The following PNPLA3 variants were observed in gnomAD, a reference collection of about 807,000 sequenced individuals.
PNPLA3 encodes 1-acylglycerol-3-phosphate O-acyltransferase PNPLA3.
A neutral mutation model predicts 43.1 loss-of-function variants in PNPLA3; 42 were observed. That is an observed-to-expected ratio of 0.97 (90% confidence interval 0.76 to 1.26). The LOEUF (loss-of-function observed/expected upper bound fraction) is 1.26, where lower values mean the gene tolerates loss of function less well. PNPLA3 is among the 50% of genes most tolerant of loss of function. The pLI, the probability that PNPLA3 is intolerant of heterozygous loss-of-function variation, is 0.00. For synonymous variants in PNPLA3, 272 were observed against 253.6 expected, an observed-to-expected ratio of 1.07 and a Z score of -0.69; for missense variants, 647 against 621.4, an observed-to-expected ratio of 1.04 and a Z score of -0.44.
chr22:43,946,086 C>T, intron 8 of PNPLA3, 68 bp from the exon 9 acceptor site: 1 of 1,465,090 alleles, frequency 6.8e-7, no homozygotes, highest in Non-Finnish European at 9.5e-7. Flanking sequence ...TGTGGGTCCA[C>T]CGTAGCTCAG....
rs1555885635 is a variant in PNPLA3, at chr22:43,932,925, C to T, written c.534C>T (p.Ala178=). ...GTGACAACGTACCCTTCATTGATGC[C>T]AAAACAACCATCACCGTGTCCCCCT... ...GVSDNVPFID[A]KTTITVSPFY... The change falls in exon 4 of 9, where the codon GCC becomes GCT. Residue 178 remains alanine, a synonymous_variant. Coordinates refer to ENST00000216180, the MANE Select transcript of PNPLA3 (RefSeq NM_025225.3). 5 of 1,614,064 alleles carry T rather than the reference C, an allele frequency of 3.1e-6. No homozygotes were observed. The highest frequency in any genetic ancestry group is 4.5e-5 in the East Asian group (2 of 44,882).
chr22:43,946,357 G>C lies in PNPLA3; in HGVS notation c.1421G>C (p.Ser474Thr). The change falls in exon 9 of 9, where the codon AGT becomes ACT. Residue 474 changes from serine (S) to threonine (T), a missense_variant. By Grantham distance (58) the Ser-to-Thr change is moderately conservative (BLOSUM62 1). Transcript: ENST00000216180. ...AGAEGLSTFP[S>T]FSLEKSL ...GCTGAGGGGCTCTCCACCTTTCCCA[G>C]TTTTTCACTAGAGAAGAGTCTGTGA... 1.2e-6 allele frequency: 2 copies of C among 1,614,174 alleles called. No homozygotes were observed. The highest frequency in any genetic ancestry group is 1.7e-6 in the Non-Finnish European group (2 of 1,180,032).
chr22:43,935,128 A>T (rs2049986824), intron 5 of PNPLA3, among the ~76,000 whole-genome samples: 1 of 152,182 alleles, frequency 6.6e-6, no homozygotes, highest in African/African-American at 2.4e-5. Context: ...TTCCCAGAGC[A>T]CATTTCTGCC....
rs374597227 is a variant in PNPLA3, at chr22:43,927,026, C to T, written c.279C>T (p.Phe93=). 16 of 1,614,118 alleles carry T rather than the reference C, an allele frequency of 9.9e-6. No individual in the cohort carries two copies. Among genetic ancestry groups the T allele is most frequent in the African/African-American group, 1.3e-5 (1 of 74,944 alleles). The change falls in exon 2 of 9, where the codon TTC becomes TTT. Residue 93 remains phenylalanine, a synonymous_variant. Transcript: ENST00000216180. ...IFHPSFNLSK[F]LRQGLCKCLP... ...ATCCATCCTTCAACTTAAGCAAGTT[C>T]CTCCGACAGGGTCTCTGCAAATGCC...
At chr22:43,937,469 C>T (rs2050003491) in intron 6 of PNPLA3, among the ~76,000 whole-genome samples, 197 bp downstream of exon 6, 1 of 152,206 alleles carries the variant, frequency 6.6e-6, no homozygotes, top group South Asian at 2.1e-4. Flanking sequence ...AATCCTGGAA[C>T]CTTGCCAAGT....
chr22:43,933,757 A>C (rs1209881967), intron 4 of PNPLA3, among the ~76,000 whole-genome samples: 1 of 152,204 alleles, frequency 6.6e-6, no homozygotes, highest in Non-Finnish European at 1.5e-5. Flanking sequence ...TGGTTTTAGT[A>C]TGCCTTACCA....
In PNPLA3 at chr22:43,932,946, C is replaced by T. The variant is rs776753373; in HGVS notation, c.555C>T (p.Ser185=). Residue 185 remains serine (S), a synonymous_variant, in exon 4 of 9, where the codon TCC becomes TCT. Coordinates refer to ENST00000216180, the MANE Select transcript of PNPLA3 (RefSeq NM_025225.3). ...ATGCCAAAACAACCATCACCGTGTC[C>T]CCCTTCTATGGGGAGTACGACATCT... ...FIDAKTTITV[S]PFYGEYDICP... is the part of the protein sequence containing the mutation. The T allele has an allele frequency of 6.2e-6, 10 of 1,614,074 alleles. No individual in the cohort carries two copies. Among genetic ancestry groups the T allele is most frequent in the African/African-American group, 4.0e-5 (3 of 74,924 alleles).
At chr22:43,926,730 C>A (rs937332371) in intron 1 of PNPLA3, among the ~76,000 whole-genome samples, 32 of 152,196 alleles carry the variant, frequency 2.1e-4, no homozygotes, top group African/African-American at 7.7e-4. Context: ...CATACTAAGC[C>A]ACTGAAATCC....
chr22:43,928,028 G>T (rs184886189), intron 2 of PNPLA3, among the ~76,000 whole-genome samples: 1 of 152,198 alleles, frequency 6.6e-6, no homozygotes, highest in Admixed American at 6.5e-5. Flanking sequence ...GGGTGGGAAC[G>T]TGCCTTATTT....
rs148866299 is a variant in PNPLA3, at chr22:43,932,948, C to A, written c.557C>A (p.Pro186His). ...GCCAAAACAACCATCACCGTGTCCC[C>A]CTTCTATGGGGAGTACGACATCTGC... is the stretch of plus-strand genomic sequence containing the variant. ...IDAKTTITVS[P>H]FYGEYDICPK... The change falls in exon 4 of 9, where the codon CCC becomes CAC. Residue 186 changes from proline (P) to histidine (H), a missense_variant. Coordinates refer to ENST00000216180, the MANE Select transcript of PNPLA3 (RefSeq NM_025225.3). 1,179 of 1,614,204 alleles carry A rather than the reference C, an allele frequency of 7.3e-4. No homozygotes were observed. The highest frequency in any genetic ancestry group is 8.8e-4 in the Non-Finnish European group (1,041 of 1,180,030).
At chr22:43,933,246 G>T (rs181323805) in intron 4 of PNPLA3, among the ~76,000 whole-genome samples, 159 bp downstream of exon 4, 21 of 152,282 alleles carry the variant, frequency 1.4e-4, no homozygotes, top group African/African-American at 3.9e-4. Context: ...AAGCTCAGGT[G>T]AGGCACCACC....
At chr22:43,926,788 C>T (rs751549886) in intron 1 of PNPLA3, 147 bp from the exon 2 acceptor site, 233 of 642,882 alleles carry the variant, frequency 3.6e-4, no homozygotes, top group Non-Finnish European at 5.5e-4. Context: ...ATTTCAAGGG[C>T]GTGATAGCCA....
In PNPLA3 at chr22:43,937,204, A is replaced by T; in HGVS notation, c.911A>T (p.His304Leu). 1 of 1,614,048 alleles carries T rather than the reference A, an allele frequency of 6.2e-7. No individual in the cohort carries two copies. Among genetic ancestry groups the T allele is most frequent in the Non-Finnish European group, 8.5e-7 (1 of 1,179,992 alleles). Residue 304 changes from histidine (H) to leucine (L), a missense_variant, in exon 6 of 9, where the codon CAC becomes CTC. Transcript: ENST00000216180. ...VRLEGDELLD[H>L]LRLSILPWDE... The stretch of plus-strand genomic sequence containing the variant: ...CTGGAGGGAGATGAGCTGCTAGACC[A>T]CCTGCGTCTCAGCATCCTGCCCTGG...
intron 3 of PNPLA3, among the ~76,000 whole-genome samples, chr22:43,931,246 A>C (rs945170598): frequency 3.9e-5 from 6 of 152,232 alleles, no homozygotes; most frequent in African/African-American, 1.4e-4. Flanking sequence ...TCTTCCTGAC[A>C]ATTAGAACCC....
chr22:43,932,071 G>A (rs369941760), intron 3 of PNPLA3, among the ~76,000 whole-genome samples: 61 of 152,148 alleles, frequency 4.0e-4, no homozygotes, highest in African/African-American at 1.4e-3. Flanking sequence ...TTCTCTGTGG[G>A]TATCTGATGG....
intron 1 of PNPLA3, among the ~76,000 whole-genome samples, chr22:43,924,953 C>T (rs367724101): frequency 9.9e-5 from 15 of 152,226 alleles, no homozygotes; most frequent in East Asian, 5.8e-4. Flanking sequence ...CTGCTGCCTA[C>T]GCTCTCTGGG....
intron 3 of PNPLA3, among the ~76,000 whole-genome samples, chr22:43,929,599 C>CTTTTTT: frequency 7.8e-6 from 1 of 128,756 alleles, no homozygotes; most frequent in Non-Finnish European, 1.6e-5. Flanking sequence ...TTTTTCTTTT[C>CTTTTTT]TTTTTTTTTT....
intron 1 of PNPLA3, 151 bp downstream of exon 1, chr22:43,924,249 A>C: frequency 1.1e-6 from 1 of 928,040 alleles, no homozygotes; most frequent in Non-Finnish European, 1.5e-6. Context: ...CCTCCGAGGC[A>C]GATGCTTCCT....
chr22:43,943,276 T>C (rs573929909), intron 7 of PNPLA3, among the ~76,000 whole-genome samples: 10 of 151,892 alleles, frequency 6.6e-5, no homozygotes, highest in South Asian at 6.2e-4. Context: ...ATGCTACTTA[T>C]TCTGGGCGTG....
Sources: allele counts gnomAD v4.1 joint callset (sites outside exome capture counted in the v4.1 genomes callset), GRCh38; gene constraint gnomAD v4.1.1; transcripts MANE v1.5; gene names NCBI Gene and HGNC (gene_info 2026-07-23, HGNC 2026-07-21).